Variants in PDZRN4 observed in about 807,000 individuals in gnomAD.
PDZRN4 encodes the protein PDZ domain-containing RING finger protein 4.
Under a neutral mutation model 99.0 loss-of-function variants are expected in PDZRN4, and 70 were observed. The ratio of observed to expected loss-of-function variants is 0.71; its 90% CI spans 0.58 to 0.86. PDZRN4 has a LOEUF of 0.86. Among genes scored for constraint, PDZRN4 ranks in the 40% least tolerant of loss-of-function variants. The pLI, the probability that PDZRN4 is intolerant of heterozygous loss-of-function variation, is 0.00. For missense variants in PDZRN4, 1,474 were observed against 1,331.2 expected (o/e 1.11, Z -1.67); for synonymous variants, 551 against 501.6 (o/e 1.10, Z -1.32).
intron 3 of PDZRN4, among the ~76,000 whole-genome samples, chr12:41,410,703 T>C (rs1186948790): frequency 2.6e-5 from 4 of 152,210 alleles, no homozygotes; most frequent in Non-Finnish European, 4.4e-5. Context: ...GCTCTAACTG[T>C]TAAACCTGTC....
chr12:41,412,537 C>T (rs542382559), intron 3 of PDZRN4: 1 of 152,190 alleles, frequency 6.6e-6, no homozygotes, highest in East Asian at 1.9e-4. Flanking sequence ...TTATCAGTCT[C>T]TGTTGCAAAG....
intron 3 of PDZRN4, among the ~76,000 whole-genome samples, chr12:41,441,975 T>G (rs1952684128): frequency 6.6e-6 from 1 of 152,104 alleles, no homozygotes. Flanking sequence ...CCGTAAGAAT[T>G]TTCCCTCTTA....
chr12:41,421,886 A>G (rs1251826990), intron 3 of PDZRN4, among the ~76,000 whole-genome samples: 3 of 152,212 alleles, frequency 2.0e-5, no homozygotes, highest in South Asian at 2.1e-4. Context: ...AGTAAACAAT[A>G]TATAAAATAG....
At chr12:41,360,549 A>T (rs1951956780) in intron 3 of PDZRN4, among the ~76,000 whole-genome samples, 1 of 152,012 alleles carries the variant, frequency 6.6e-6, no homozygotes, top group African/African-American at 2.4e-5. Flanking sequence ...GCAGAAACCT[A>T]CTGGTTTAGA....
chr12:41,354,808 C>T (rs950143429), intron 3 of PDZRN4, among the ~76,000 whole-genome samples: 2 of 152,062 alleles, frequency 1.3e-5, no homozygotes, highest in African/African-American at 4.8e-5. Context: ...TCATACAGGA[C>T]ACTCCTCCAT....
chr12:41,516,241 CT>C (rs1391364593), intron 5 of PDZRN4, among the ~76,000 whole-genome samples: 1 of 152,038 alleles, frequency 6.6e-6, no homozygotes, highest in Non-Finnish European at 1.5e-5. Flanking sequence ...ATGTACTTGT[CT>C]ATTCTTCTAA....
chr12:41,288,356 A>T (rs1354215931), intron 3 of PDZRN4, among the ~76,000 whole-genome samples: 1 of 152,118 alleles, frequency 6.6e-6, no homozygotes, highest in Non-Finnish European at 1.5e-5. Flanking sequence ...TGGTTTCTGA[A>T]GTGTTTAGAC....
At chr12:41,271,024 CAT>C (rs1276872647) in intron 3 of PDZRN4, among the ~76,000 whole-genome samples, 1 of 152,006 alleles carries the variant, frequency 6.6e-6, no homozygotes, top group African/African-American at 2.4e-5. Flanking sequence ...CGTAGCATCA[CAT>C]ATATGACTAA....
intron 3 of PDZRN4, among the ~76,000 whole-genome samples, chr12:41,479,679 A>G (rs1225528591): frequency 1.3e-5 from 2 of 152,222 alleles, no homozygotes; most frequent in African/African-American, 4.8e-5. Context: ...ACTTCACAAG[A>G]GAAATTCCAG....
chr12:41,256,832 C>A (rs115756316), intron 3 of PDZRN4, among the ~76,000 whole-genome samples: 1 of 152,268 alleles, frequency 6.6e-6, no homozygotes, highest in African/African-American at 2.4e-5. Context: ...AATGGTATGT[C>A]CATTCATCCA....
chr12:41,320,113 A>C (rs1481819844), intron 3 of PDZRN4, among the ~76,000 whole-genome samples: 1 of 152,202 alleles, frequency 6.6e-6, no homozygotes, highest in Non-Finnish European at 1.5e-5. Flanking sequence ...CATCTTCTGC[A>C]CAGCCCCACC....
In PDZRN4 at chr12:41,325,621, A is replaced by C. The variant is rs146298637; in HGVS notation, c.843+131433A>C. Among the ~76,000 whole-genome samples the C allele has an allele frequency of 1.6e-3, 238 of 152,278 alleles. 1 individual carries two copies. Among genetic ancestry groups the C allele is most frequent in the African/African-American group, 4.6e-3 (190 of 41,568 alleles). On this transcript the variant is annotated intron_variant, in intron 3 of 9. Transcript: ENST00000402685. ...AGAGAAGGTCAGCTACGGGTTAGTT[A>C]AGAGCAACACTCAAGGCCCAGAATT...
chr12:41,416,462 T>C (rs1021204499), intron 3 of PDZRN4, among the ~76,000 whole-genome samples: 2 of 151,958 alleles, frequency 1.3e-5, no homozygotes, highest in Middle Eastern at 3.2e-3. Flanking sequence ...CTGGCCAACA[T>C]GGTGAAACCC....
chr12:41,558,694 G>A (rs1048697440), intron 7 of PDZRN4, among the ~76,000 whole-genome samples: 5 of 152,216 alleles, frequency 3.3e-5, no homozygotes, highest in African/African-American at 9.6e-5. Flanking sequence ...ATAGCAGGAT[G>A]TTAAAGTGCT....
chr12:41,264,978 A>G (rs1471575718), intron 3 of PDZRN4, among the ~76,000 whole-genome samples: 1 of 152,124 alleles, frequency 6.6e-6, no homozygotes, highest in African/African-American at 2.4e-5. Flanking sequence ...GGAATGAAAA[A>G]CTATCTAGTG....
chr12:41,191,119 T>C (rs1278431750), intron 1 of PDZRN4, among the ~76,000 whole-genome samples: 2 of 152,292 alleles, frequency 1.3e-5, no homozygotes, highest in East Asian at 1.9e-4. Context: ...TAAAGATACC[T>C]CCAAGGTTTA....
chr12:41,420,368 T>A (rs1952478748), intron 3 of PDZRN4, among the ~76,000 whole-genome samples: 1 of 152,156 alleles, frequency 6.6e-6, no homozygotes, highest in African/African-American at 2.4e-5. Context: ...CTTCCTTTGA[T>A]CCTACTGTCT....
chr12:41,567,797 G>T lies in PDZRN4; in HGVS notation c.1482G>T (p.Trp494Cys). 2 of 1,611,256 alleles carry T rather than the reference G, an allele frequency of 1.2e-6. No individual in the cohort carries two copies. Among genetic ancestry groups the T allele is most frequent in the Non-Finnish European group, 1.7e-6 (2 of 1,177,920 alleles). Residue 494 changes from tryptophan to cysteine, a missense_variant, in exon 9 of 10, where the codon TGG becomes TGT. Physicochemically the swap from Trp to Cys is radical, Grantham distance 215. Transcript: ENST00000402685. ...TTCTTTTGCAGCTGGATGAAGGCTG[G>T]CTGGAAGATGAAAGGAATGAATTCT... ...ARPEIQLDEG[W>C]LEDERNEFLE... is the part of the protein sequence containing the mutation.
intron 3 of PDZRN4, among the ~76,000 whole-genome samples, chr12:41,424,620 T>C (rs780826493): frequency 1.3e-5 from 2 of 150,196 alleles, no homozygotes; most frequent in Admixed American, 6.7e-5. Flanking sequence ...AGTGTTTACT[T>C]TGAGTCTTAG....
Sources: gnomAD v4.1 joint callset for allele counts (sites outside exome capture counted in the v4.1 genomes callset) on GRCh38, gnomAD v4.1.1 for gene constraint, MANE v1.5 for transcripts, NCBI Gene and HGNC (gene_info 2026-07-23, HGNC 2026-07-21) for gene names.